CCP110: variants seen among roughly 807,000 people sequenced by gnomAD.
CCP110 encodes the protein centriolar coiled-coil protein of 110 kDa.
In CCP110, 43 loss-of-function variants were observed where a neutral mutation model predicts 105.5. The ratio of observed to expected loss-of-function variants is 0.41; its 90% CI spans 0.32 to 0.53. CCP110 has a LOEUF of 0.53. Among genes scored for constraint, CCP110 ranks in the 20% least tolerant of loss-of-function variants. The probability of loss-of-function intolerance (pLI) is 0.32; values close to 1 mark genes in which losing one functional copy is unlikely to be tolerated. For synonymous variants in CCP110, 353 were observed against 392.1 expected (o/e 0.90, Z 1.18); for missense variants, 1,016 against 1,189.1 (o/e 0.85, Z 2.14).
chr16:19,540,799 G>A lies in CCP110; in HGVS notation c.2049+12G>A, dbSNP rs767986010. ...AAAGACTGCAAAAGGTGAGGAATGT[G>A]GAGGGAGATACAACTGGTAAGTGAA... On this transcript the variant is annotated intron_variant, in intron 5 of 14. Transcript: ENST00000381396. 6.2e-7 allele frequency: 1 copy of A among 1,610,342 alleles called. No individual in the cohort carries two copies. The highest frequency in any genetic ancestry group is 1.7e-5 in the Admixed American group (1 of 59,186).
At chr16:19,534,872 CTTTTTTTT>C (rs35522152) in intron 3 of CCP110, among the ~76,000 whole-genome samples, 13 of 100,542 alleles carry the variant, frequency 1.3e-4, no homozygotes, top group African/African-American at 4.2e-4. Flanking sequence ...AATATTCAGA[CTTTTTTTT>C]TTTTTTTTTT....
chr16:19,532,679 T>G, intron 3 of CCP110, 135 bp downstream of exon 3: 1 of 692,936 alleles, frequency 1.4e-6, no homozygotes, highest in East Asian at 3.0e-5. Flanking sequence ...CTTCATAATT[T>G]GTGATTTTCC....
chr16:19,550,032 G>A (rs569247033), intron 14 of CCP110, among the ~76,000 whole-genome samples: 1 of 152,224 alleles, frequency 6.6e-6, no homozygotes, highest in African/African-American at 2.4e-5. Context: ...TAATACAAAT[G>A]AACTTAACCC....
chr16:19,532,583 C>T, intron 3 of CCP110, 39 bp downstream of exon 3: 1 of 1,517,868 alleles, frequency 6.6e-7, no homozygotes, highest in Non-Finnish European at 8.9e-7. Context: ...ATAAAGAAAT[C>T]ATAAGATAAG....
At chr16:19,544,889 G>A (rs762863771) in exon 9 of CCP110, 11 of 1,551,138 alleles carry the variant, frequency 7.1e-6, no homozygotes, top group South Asian at 1.1e-5. Flanking sequence ...AGGAAAGAGT[G>A]TTAGCTCAGG....
chr16:19,527,808 C>T, intron 1 of CCP110, 59 bp from the exon 2 acceptor site: 1 of 1,424,170 alleles, frequency 7.0e-7, no homozygotes, highest in Non-Finnish European at 9.6e-7. Flanking sequence ...CAAAATCTGC[C>T]AAATAATTAA....
chr16:19,545,297 C>G, intron 10 of CCP110, 87 bp downstream of exon 10: 1 of 615,188 alleles, frequency 1.6e-6, no homozygotes, highest in South Asian at 2.4e-5. Context: ...CTTCAGCACC[C>G]TTCTTCTGAT....
chr16:19,536,609 A>AT lies in CCP110; in HGVS notation c.941dup (p.Met314IlefsTer6). 2 of 1,614,166 alleles carry AT rather than the reference A, an allele frequency of 1.2e-6. No homozygotes were observed. The highest frequency in any genetic ancestry group is 1.7e-6 in the Non-Finnish European group (2 of 1,180,022). ...TTCCACTCAAGCAAGCAGCATGAGT[A>AT]TGCCAGTTTTAGCTAGCTTTTCGAA... On this transcript the variant is annotated frameshift_variant, in exon 4 of 15. Transcript: ENST00000381396. LOFTEE classifies it high-confidence loss of function.
exon 4 of CCP110, chr16:19,536,406 G>T (rs760554250): frequency 6.2e-7 from 1 of 1,611,886 alleles, no homozygotes; most frequent in Non-Finnish European, 8.5e-7. Flanking sequence ...CAATCTAGAC[G>T]CAGTCTGAGA....
exon 13 of CCP110, chr16:19,547,995 A>G: frequency 6.2e-7 from 1 of 1,611,500 alleles, no homozygotes; most frequent in Non-Finnish European, 8.5e-7. Flanking sequence ...ACCTGTTCAT[A>G]GGCTACTTAG....
chr16:19,543,028 C>T, intron 8 of CCP110, 34 bp downstream of exon 8: 4 of 1,177,506 alleles, frequency 3.4e-6, no homozygotes, highest in Non-Finnish European at 5.1e-6. Flanking sequence ...TATTTCACTT[C>T]TGTCTTAGTT....
intron 3 of CCP110, among the ~76,000 whole-genome samples, chr16:19,535,191 T>A (rs1302649000): frequency 6.6e-6 from 1 of 152,230 alleles, no homozygotes; most frequent in Non-Finnish European, 1.5e-5. Context: ...GTAGTCAGGC[T>A]TTTGATGTCT....
In CCP110 at chr16:19,546,441, A is replaced by C. The variant is rs1970461477; in HGVS notation, c.2807A>C (p.Lys936Thr). The change falls in exon 12 of 15, where the codon AAA becomes ACA. Residue 936 changes from lysine to threonine, a missense_variant. By Grantham distance (78) the Lys-to-Thr change is moderately conservative. Coordinates refer to ENST00000381396, the Ensembl canonical transcript of CCP110. ...GCTGAAATGGGAATGCCAAATAAGAAATTTCTGGTTAAACAAAATCCTTCT... is the reference window on the plus strand; with the variant it reads ...GCTGAAATGGGAATGCCAAATAAGACATTTCTGGTTAAACAAAATCCTTCT... 6.3e-7 allele frequency: 1 copy of C among 1,588,176 alleles called. No homozygotes were observed. Among genetic ancestry groups the C allele is most frequent in the African/African-American group, 1.3e-5 (1 of 74,530 alleles).
chr16:19,532,460 A>G (rs1207082029), exon 3 of CCP110: 4 of 1,609,292 alleles, frequency 2.5e-6, no homozygotes, highest in South Asian at 2.2e-5. Flanking sequence ...AAAAGCAGAA[A>G]GCACTTGATG....
At chr16:19,528,635 C>G (rs1969757125) in intron 2 of CCP110, among the ~76,000 whole-genome samples, 2 of 152,088 alleles carry the variant, frequency 1.3e-5, no homozygotes, top group Non-Finnish European at 2.9e-5. Context: ...TGGCTCACAC[C>G]TATAGTCCCA....
chr16:19,542,727 GC>G lies in CCP110; in HGVS notation c.2336del (p.Pro779LeufsTer24), dbSNP rs1567362140. 1 of 1,613,414 alleles carries G rather than the reference GC, an allele frequency of 6.2e-7. No homozygotes were observed. Among genetic ancestry groups the G allele is most frequent in the East Asian group, 2.2e-5 (1 of 44,858 alleles). On this transcript the variant is annotated frameshift_variant, in exon 7 of 15. Coordinates refer to ENST00000381396, the Ensembl canonical transcript of CCP110. LOFTEE classifies it high-confidence loss of function. ...GCTTGACCAAACTCTCAGTAACAAG[GC>G]CTTTTGGAAGAGCCAAAACTAGATG...
At chr16:19,530,820 G>A (rs966683266) in intron 2 of CCP110, among the ~76,000 whole-genome samples, 1 of 152,136 alleles carries the variant, frequency 6.6e-6, no homozygotes, top group African/African-American at 2.4e-5. Context: ...TAGGCATGAT[G>A]GTGGGTGCCT....
At chr16:19,534,773 T>C (rs1206202249) in intron 3 of CCP110, among the ~76,000 whole-genome samples, 1 of 152,058 alleles carries the variant, frequency 6.6e-6, no homozygotes, top group East Asian at 1.9e-4. Context: ...CTGGAAACCA[T>C]TACCTGTCTT....
At chr16:19,551,320 T>C (rs1007916219) in exon 15 of CCP110, 2 of 1,218,098 alleles carry the variant, frequency 1.6e-6, no homozygotes, top group Non-Finnish European at 2.4e-6. Flanking sequence ...CCCAAGACTT[T>C]ATTTAACCCT....
Sources: allele counts gnomAD v4.1 joint callset (sites outside exome capture counted in the v4.1 genomes callset), GRCh38; gene constraint gnomAD v4.1.1; transcripts MANE v1.5; gene names NCBI Gene and HGNC (gene_info 2026-07-23, HGNC 2026-07-21).